Variants in SNRK observed in about 807,000 individuals in gnomAD.
SNRK encodes the protein SNF-related serine/threonine-protein kinase.
Under a neutral mutation model 48.2 loss-of-function variants are expected in SNRK, and 3 were observed. The ratio of observed to expected loss-of-function variants is 0.06; its 90% CI spans 0.03 to 0.16. The LOEUF (loss-of-function observed/expected upper bound fraction) is 0.16. SNRK is among the 10% of genes least tolerant of loss of function. The probability of loss-of-function intolerance (pLI) is 1.00; values close to 1 mark genes in which losing one functional copy is unlikely to be tolerated. For missense variants in SNRK, 627 were observed against 976.0 expected, an observed-to-expected ratio of 0.64 and a Z score of 4.76; for synonymous variants, 376 against 366.1, an observed-to-expected ratio of 1.03 and a Z score of -0.31.
chr3:43,314,512 T>C (rs1463961267), intron 3 of SNRK, among the ~76,000 whole-genome samples: 1 of 152,204 alleles, frequency 6.6e-6, no homozygotes, highest in African/African-American at 2.4e-5. Flanking sequence ...TACTTAAGAC[T>C]GTCATTTCTT....
chr3:43,321,908 T>G (rs1229094064), intron 3 of SNRK, among the ~76,000 whole-genome samples: 1 of 152,238 alleles, frequency 6.6e-6, no homozygotes, highest in African/African-American at 2.4e-5. Context: ...TTTTGGCAAG[T>G]CCCAGGACAC....
intron 3 of SNRK, among the ~76,000 whole-genome samples, chr3:43,325,525 A>C (rs112790786): frequency 6.6e-6 from 1 of 152,206 alleles, no homozygotes; most frequent in Non-Finnish European, 1.5e-5. Context: ...CTAGCTGTCA[A>C]ACTAAAACGT....
At position 43,303,047 on chromosome 3, in the gene SNRK, T is replaced by G; in HGVS notation, c.-106-51T>G. Reference sequence around the variant, plus strand: ...CAAAAAATGAAGTGATTTTAAAGTTTGTGAAGAAAAGTCGCAGAAACTTAA... The same window carrying G: ...CAAAAAATGAAGTGATTTTAAAGTTGGTGAAGAAAAGTCGCAGAAACTTAA... On this transcript the variant is annotated intron_variant, in intron 2 of 6. Transcript: ENST00000296088. The surrounding 1 kb of genome is among the most constrained non-coding windows in gnomAD (Gnocchi z 6.2). 2.0e-6 allele frequency: 1 copy of G among 507,040 alleles called. No homozygotes were observed. Among genetic ancestry groups the G allele is most frequent in the Non-Finnish European group, 3.4e-6 (1 of 295,692 alleles). 31.4% of individuals were successfully genotyped at this position (507,040 alleles called of 1,614,324 possible).
Position 43,293,844 on chromosome 3 carries a change from G to GGGAGGT in SNRK, c.-168-5909_-168-5904dup, listed in dbSNP as rs2090832042. Among the ~76,000 whole-genome samples, 5 of 152,176 alleles carry GGGAGGT rather than the reference G, an allele frequency of 3.3e-5. No homozygotes were observed. The South Asian group carries it at 1.0e-3, about 32-fold the overall frequency. ...TGAGGCAGGAGAATTGTTTGAACCT[G>GGGAGGT]GGAGGTTGAGGTTGCATTGAGCCAA... On this transcript the variant is annotated intron_variant, in intron 1 of 6. Transcript: ENST00000296088.
intron 2 of SNRK, among the ~76,000 whole-genome samples, chr3:43,302,625 C>T (rs1302592473): frequency 9.9e-5 from 15 of 151,194 alleles, no homozygotes; most frequent in Admixed American, 9.9e-4. Context: ...TTAGAGAAAC[C>T]TTCACAGAAT....
intron 3 of SNRK, among the ~76,000 whole-genome samples, chr3:43,319,645 A>G (rs1202011678): frequency 6.6e-6 from 1 of 152,184 alleles, no homozygotes; most frequent in Non-Finnish European, 1.5e-5. Context: ...GAGAGAGGGG[A>G]CCATGTGTTT....
intron 4 of SNRK, 53 bp downstream of exon 4, chr3:43,332,363 G>A (rs2091152627): frequency 8.4e-7 from 1 of 1,191,280 alleles, no homozygotes; most frequent in Non-Finnish European, 1.1e-6. Context: ...AAAACCAGAA[G>A]TTTTAATTCC....
chr3:43,312,800 A>G (rs2090988065), intron 3 of SNRK, among the ~76,000 whole-genome samples: 1 of 152,236 alleles, frequency 6.6e-6, no homozygotes, highest in Non-Finnish European at 1.5e-5. Context: ...CTGTACTGAT[A>G]ATGAACATGT....
At position 43,347,592 on chromosome 3, in the gene SNRK, G is replaced by A. The variant is rs779486608; in HGVS notation, c.1333G>A (p.Val445Met). The change falls in exon 7 of 7, where the codon GTG becomes ATG. Residue 445 changes from valine (V) to methionine (M), a missense_variant. Around this residue, in one of 4 missense-constraint regions of SNRK, gnomAD observed 175 missense variants for 209.7 expected, o/e 0.83. Coordinates refer to ENST00000296088, the MANE Select transcript of SNRK (RefSeq NM_017719.5). The surrounding 1 kb of genome is among the most constrained non-coding windows in gnomAD (Gnocchi z 5.4). ...TASGRKCLFR[V>M]EEDEEEDEED... ...CAGTGGGCGGAAGTGTCTGTTCAGGGTGGAAGAAGATGAAGAGGAAGATGA... is the reference window on the plus strand; with the variant it reads ...CAGTGGGCGGAAGTGTCTGTTCAGGATGGAAGAAGATGAAGAGGAAGATGA... The A allele has an allele frequency of 2.5e-6, 4 of 1,614,080 alleles. No individual in the cohort carries two copies. The highest frequency in any genetic ancestry group is 1.1e-5 in the South Asian group (1 of 91,082).
chr3:43,293,012 C>T (rs1044393969), intron 1 of SNRK, among the ~76,000 whole-genome samples: 1 of 152,148 alleles, frequency 6.6e-6, no homozygotes, highest in Non-Finnish European at 1.5e-5. Context: ...GTGTTGTGTC[C>T]TGTACAGTTA....
chr3:43,312,667 G>T (rs2090987091), intron 3 of SNRK, among the ~76,000 whole-genome samples: 1 of 152,148 alleles, frequency 6.6e-6, no homozygotes, highest in South Asian at 2.1e-4. Flanking sequence ...AACTGTTTCT[G>T]CTTCCAGATG....
intron 2 of SNRK, among the ~76,000 whole-genome samples, chr3:43,302,567 A>G (rs184786822): frequency 1.2e-4 from 19 of 152,206 alleles, no homozygotes; most frequent in Admixed American, 1.2e-3. Context: ...AGGTGTCCCA[A>G]GGTGCTCTGG....
intron 3 of SNRK, among the ~76,000 whole-genome samples, chr3:43,328,542 G>A (rs145353666): frequency 8.0e-4 from 121 of 152,112 alleles, no homozygotes; most frequent in African/African-American, 2.8e-3. Flanking sequence ...GGCTTAAAAT[G>A]AATGTTATAT....
At chr3:43,291,382 A>T (rs915521530) in intron 1 of SNRK, among the ~76,000 whole-genome samples, 1 of 152,178 alleles carries the variant, frequency 6.6e-6, no homozygotes, top group African/African-American at 2.4e-5. Flanking sequence ...ATAAGTTGAG[A>T]CAGAGACCTT....
At position 43,340,423 on chromosome 3, in the gene SNRK, C is replaced by T. The variant is rs772506538; in HGVS notation, c.868C>T (p.Leu290Phe). The change falls in exon 5 of 7, where the codon CTC becomes TTC. Residue 290 changes from leucine (L) to phenylalanine (F), a missense_variant. Coordinates refer to ENST00000296088, the MANE Select transcript of SNRK (RefSeq NM_017719.5). ...CATTCCCCTTGTGTCATACAAAAAT[C>T]TCTCGGAAGAGGAGCACAACAGCAT... ...YNIPLVSYKN[L>F]SEEEHNSIIQ... 1.2e-6 allele frequency: 2 copies of T among 1,614,198 alleles called. No homozygotes were observed. The highest frequency in any genetic ancestry group is 2.2e-5 in the South Asian group (2 of 91,082).
intron 1 of SNRK, among the ~76,000 whole-genome samples, chr3:43,288,333 C>G (rs1056547265): frequency 6.6e-6 from 1 of 151,808 alleles, no homozygotes; most frequent in African/African-American, 2.4e-5. Context: ...GTATTTTTTT[C>G]TGTTTTACTG....
rs1204416411 is a variant in SNRK at position 43,350,970 on chromosome 3, C to T, written c.*2413C>T. The T allele has an allele frequency of 6.6e-6, 1 of 152,584 alleles. No homozygotes were observed. The highest frequency in any genetic ancestry group is 1.5e-5 in the Non-Finnish European group (1 of 68,032). The allele number at this position is 152,584 out of a possible 1,614,324, so 9.5% of individuals were successfully genotyped here. On this transcript the variant is annotated 3_prime_UTR_variant, in exon 7 of 7. Transcript: ENST00000296088. ...GCTGTGAGACCGAATTAAAGATAAT[C>T]CCTACCAAGTGAAAATTGATGTGTG... is the stretch of plus-strand genomic sequence containing the variant.
At chr3:43,336,148 G>A (rs1302745544) in intron 4 of SNRK, among the ~76,000 whole-genome samples, 3 of 151,616 alleles carry the variant, frequency 2.0e-5, no homozygotes, top group African/African-American at 7.3e-5. Flanking sequence ...ATTCTTTGGA[G>A]TTGATGGAGG....
intron 6 of SNRK, among the ~76,000 whole-genome samples, chr3:43,344,429 A>G (rs1391132733): frequency 1.3e-5 from 2 of 152,150 alleles, no homozygotes; most frequent in East Asian, 1.9e-4. Context: ...ATTTATGAAT[A>G]TATGTGTGTG....
Sources: allele counts gnomAD v4.1 joint callset (sites outside exome capture counted in the v4.1 genomes callset), GRCh38; gene constraint gnomAD v4.1.1; regional missense constraint gnomAD v4.1.1; non-coding constraint Gnocchi (gnomAD v3.1); transcripts MANE v1.5; gene names NCBI Gene and HGNC (gene_info 2026-07-23, HGNC 2026-07-21).